The following PKHD1 variants were observed in gnomAD, a reference collection of about 807,000 sequenced individuals.
PKHD1 encodes the protein fibrocystin.
Under a neutral mutation model 412.0 loss-of-function variants are expected in PKHD1, and 291 were observed. The ratio of observed to expected loss-of-function variants is 0.71; its 90% CI spans 0.64 to 0.78. PKHD1 has a LOEUF of 0.78. Ranked by LOEUF, PKHD1 falls within the 30% of genes least tolerant of loss-of-function variation. PKHD1 has a pLI of 0.00. For synonymous variants in PKHD1, 1,777 were observed against 1,821.5 expected (o/e 0.98, Z 0.62); for missense variants, 4,825 against 4,950.7 (o/e 0.97, Z 0.76).
At chr6:51,733,663 T>C (rs1203463816) in intron 60 of PKHD1, among the ~76,000 whole-genome samples, 2 of 152,170 alleles carry the variant, frequency 1.3e-5, no homozygotes, top group African/African-American at 4.8e-5. Flanking sequence ...AGAAGGAATT[T>C]AGAATTCCTA....
intron 29 of PKHD1, among the ~76,000 whole-genome samples, chr6:52,031,383 G>A (rs1803010467): frequency 6.6e-6 from 1 of 152,174 alleles, no homozygotes; most frequent in Admixed American, 6.5e-5. Flanking sequence ...GCTCCAATAA[G>A]GCAAACAGGG....
chr6:51,657,381 A>G (rs981620163), intron 61 of PKHD1, among the ~76,000 whole-genome samples: 15 of 152,154 alleles, frequency 9.9e-5, no homozygotes, highest in Admixed American at 8.5e-4. Flanking sequence ...GCCATAGGAT[A>G]TGGCATTTCT....
At position 51,823,051 on chromosome 6, in the gene PKHD1, A is replaced by T. The variant is rs868356962; in HGVS notation, c.8302+7810T>A. 2.4e-4 allele frequency among the ~76,000 whole-genome samples: 37 copies of T among 151,920 alleles called. 1 individual carries two copies. The highest frequency in any genetic ancestry group is 8.2e-4 in the African/African-American group (34 of 41,336). On this transcript the variant is annotated intron_variant, in intron 52 of 66. Coordinates refer to ENST00000371117, the MANE Select transcript of PKHD1 (RefSeq NM_138694.4). ...GAAATAGTTGTAAACTGCTGCTGAA[A>T]GTTTGTACAGGTTAAGTAAGAGAAA...
At chr6:52,000,018 A>G (rs1016551458) in intron 35 of PKHD1, among the ~76,000 whole-genome samples, 17 of 152,344 alleles carry the variant, frequency 1.1e-4, no homozygotes, top group African/African-American at 3.4e-4. Flanking sequence ...ATCAGGCTTC[A>G]GGGAGATGGT....
intron 53 of PKHD1, among the ~76,000 whole-genome samples, chr6:51,783,147 G>A (rs986612370): frequency 6.6e-6 from 1 of 152,044 alleles, no homozygotes; most frequent in East Asian, 1.9e-4. Context: ...AAAAGCCCGA[G>A]TGCCTAGGAT....
intron 46 of PKHD1, among the ~76,000 whole-genome samples, chr6:51,872,519 C>T (rs755430206): frequency 6.6e-6 from 1 of 152,094 alleles, no homozygotes; most frequent in Non-Finnish European, 1.5e-5. Flanking sequence ...AGTGATTCTC[C>T]TACTTCAGCC....
chr6:52,082,192 T>C (rs1209945583), intron 4 of PKHD1, among the ~76,000 whole-genome samples, 200 bp downstream of exon 4: 2 of 152,256 alleles, frequency 1.3e-5, no homozygotes, highest in East Asian at 3.9e-4. Flanking sequence ...TCAAAGTTCT[T>C]CCCCATACTC....
intron 15 of PKHD1, 140 bp from the exon 16 acceptor site, chr6:52,058,741 A>G (rs1808196019): frequency 1.3e-6 from 1 of 761,504 alleles, no homozygotes; most frequent in Non-Finnish European, 2.2e-6. Flanking sequence ...CAGTTACCTC[A>G]GCCCTGTGGT....
chr6:51,809,747 A>C (rs1487804134), intron 52 of PKHD1, among the ~76,000 whole-genome samples: 1 of 151,964 alleles, frequency 6.6e-6, no homozygotes. Context: ...TTCCATCAAA[A>C]GTGGAATTTA....
intron 64 of PKHD1, among the ~76,000 whole-genome samples, chr6:51,635,865 G>T (rs1412387660): frequency 9.9e-6 from 1 of 101,478 alleles, no homozygotes; most frequent in South Asian, 3.8e-4. Flanking sequence ...AGGTGGGGGG[G>T]GGCGGGGGGC....
intron 37 of PKHD1, among the ~76,000 whole-genome samples, chr6:51,925,281 T>C (rs921300549): frequency 2.6e-5 from 4 of 152,194 alleles, no homozygotes; most frequent in African/African-American, 9.7e-5. Context: ...TTGAGAAGCT[T>C]TGTGTCAAGA....
At chr6:51,796,748 T>C (rs1298923035) in intron 52 of PKHD1, among the ~76,000 whole-genome samples, 2 of 152,158 alleles carry the variant, frequency 1.3e-5, no homozygotes, top group Non-Finnish European at 2.9e-5. Context: ...CTTAATTTCA[T>C]TATTTACTCA....
intron 53 of PKHD1, among the ~76,000 whole-genome samples, chr6:51,788,382 C>G (rs1294561063): frequency 6.6e-6 from 1 of 151,784 alleles, no homozygotes; most frequent in Non-Finnish European, 1.5e-5. Context: ...CTACCCAGTG[C>G]CCCAGGATGT....
At chr6:51,918,480 T>C (rs12199884) in intron 37 of PKHD1, among the ~76,000 whole-genome samples, 22,281 of 152,148 alleles carry the variant, frequency 0.15, 1,807 homozygotes, top group Non-Finnish European at 0.19. Flanking sequence ...TTGCTGAGAA[T>C]GATGGTTTCC....
At chr6:51,693,240 A>G (rs533502993) in intron 60 of PKHD1, among the ~76,000 whole-genome samples, 3 of 152,192 alleles carry the variant, frequency 2.0e-5, no homozygotes, top group Non-Finnish European at 2.9e-5. Flanking sequence ...ACTTTTCTCT[A>G]TGAAGGCATT....
intron 64 of PKHD1, among the ~76,000 whole-genome samples, chr6:51,636,659 A>C (rs1450972732): frequency 1.3e-5 from 2 of 152,226 alleles, no homozygotes; most frequent in African/African-American, 2.4e-5. Context: ...GAAGCCTATT[A>C]GAAATAAGAA....
At chr6:51,913,787 T>C (rs546688518) in intron 37 of PKHD1, among the ~76,000 whole-genome samples, 40 of 152,254 alleles carry the variant, frequency 2.6e-4, no homozygotes, top group African/African-American at 9.6e-4. Flanking sequence ...TTTAGAAAGG[T>C]CTCTGGGTTA....
chr6:51,794,823 T>C (rs1794346143), intron 52 of PKHD1, among the ~76,000 whole-genome samples: 1 of 152,170 alleles, frequency 6.6e-6, no homozygotes, highest in Non-Finnish European at 1.5e-5. Context: ...AAAGATGAGA[T>C]GGTTGTAGGT....
chr6:51,827,640 G>C (rs2151491376), intron 52 of PKHD1, among the ~76,000 whole-genome samples: 1 of 152,102 alleles, frequency 6.6e-6, no homozygotes, highest in Non-Finnish European at 1.5e-5. Context: ...CTTTACCCTA[G>C]AGACACTATG....
Sources: gnomAD v4.1 joint callset for allele counts (sites outside exome capture counted in the v4.1 genomes callset) on GRCh38, gnomAD v4.1.1 for gene constraint, MANE v1.5 for transcripts, NCBI Gene and HGNC (gene_info 2026-07-23, HGNC 2026-07-21) for gene names.